Variants in NCALD observed in about 807,000 individuals in gnomAD.
NCALD encodes neurocalcin delta.
In NCALD, 10 loss-of-function variants were observed where a neutral mutation model predicts 18.6. The observed-to-expected ratio is 0.54, with a 90% CI of 0.33 to 0.91. The LOEUF is 0.91. NCALD is among the 40% of genes least tolerant of loss of function. The pLI, the probability that NCALD is intolerant of heterozygous loss-of-function variation, is 0.03. For synonymous variants in NCALD, 88 were observed against 87.4 expected, an observed-to-expected ratio of 1.01 and a Z score of -0.04; for missense variants, 184 against 247.6, an observed-to-expected ratio of 0.74 and a Z score of 1.72.
At chr8:102,003,861 T>C (rs1328638725) in intron 2 of NCALD, among the ~76,000 whole-genome samples, 1 of 152,100 alleles carries the variant, frequency 6.6e-6, no homozygotes, top group Non-Finnish European at 1.5e-5. Context: ...ATAAATTCGG[T>C]ATTGATGGGA....
At chr8:101,732,187 T>A (rs1322446803) in intron 1 of NCALD, among the ~76,000 whole-genome samples, 1 of 152,198 alleles carries the variant, frequency 6.6e-6, no homozygotes, top group Non-Finnish European at 1.5e-5. Context: ...TTAACTAGGG[T>A]ACTAAATATT....
At chr8:101,783,207 T>TA (rs1812087189) in intron 1 of NCALD, among the ~76,000 whole-genome samples, 1 of 152,120 alleles carries the variant, frequency 6.6e-6, no homozygotes, top group Non-Finnish European at 1.5e-5. Context: ...AGAGTCTTCT[T>TA]AAGGGAAGAG....
At chr8:101,915,780 TAAG>T (rs1170892103) in intron 3 of NCALD, 3 of 152,160 alleles carry the variant, frequency 2.0e-5, no homozygotes, top group Non-Finnish European at 4.4e-5. Context: ...CATTTATAGC[TAAG>T]AAGAACATTT....
intron 2 of NCALD, among the ~76,000 whole-genome samples, chr8:101,926,795 A>T (rs552783668): frequency 2.6e-5 from 4 of 152,256 alleles, no homozygotes; most frequent in African/African-American, 9.6e-5. Flanking sequence ...AGGGATAAGG[A>T]GGTGGTGGGT....
At chr8:101,694,139 A>G (rs1197713588) in intron 2 of NCALD, 1 of 152,190 alleles carries the variant, frequency 6.6e-6, no homozygotes, top group Non-Finnish European at 1.5e-5. Context: ...TGCTAATCAG[A>G]GTCACTTTGG....
chr8:101,809,661 C>T (rs1198776353), intron 4 of NCALD, among the ~76,000 whole-genome samples: 1 of 152,162 alleles, frequency 6.6e-6, no homozygotes, highest in Non-Finnish European at 1.5e-5. Flanking sequence ...ATTCTCCTGC[C>T]TCAGCCTCCT....
intron 1 of NCALD, among the ~76,000 whole-genome samples, chr8:102,047,450 T>C (rs1823286718): frequency 6.6e-6 from 1 of 152,192 alleles, no homozygotes; most frequent in Non-Finnish European, 1.5e-5. Flanking sequence ...TTTCACCGCC[T>C]GGTATGGTAG....
intron 1 of NCALD, among the ~76,000 whole-genome samples, chr8:102,079,405 A>G (rs1038066661): frequency 4.6e-5 from 7 of 152,122 alleles, no homozygotes; most frequent in African/African-American, 1.7e-4. Context: ...TGAGACCCAC[A>G]GTTGTGTGTG....
At chr8:101,820,254 A>T (rs1188729447) in intron 4 of NCALD, among the ~76,000 whole-genome samples, 4 of 152,188 alleles carry the variant, frequency 2.6e-5, no homozygotes, top group Non-Finnish European at 5.9e-5. Context: ...TTTAGCTTTA[A>T]CATTTTTAAA....
rs1554598545 is a variant in NCALD at position 102,106,466 on chromosome 8, T to TATAC, written c.-210+17770_-210+17771insGTAT. On this transcript the variant is annotated intron_variant, in intron 1 of 6. Transcript: ENST00000311028. ...TATAGTATATATATATATATATATATACACACACACACACACACACACACA... is the reference window on the plus strand; with the variant it reads ...TATAGTATATATATATATATATATATATACACACACACACACACACACACACACA... 4.2e-3 allele frequency among the ~76,000 whole-genome samples: 582 copies of TATAC among 139,074 alleles called. 7 individuals are homozygous for TATAC. The highest frequency in any genetic ancestry group is 0.032 in the East Asian group (156 of 4,936). The allele number at this position is 139,074 out of a possible 152,430, so 91.2% of individuals were successfully genotyped here.
At chr8:101,817,323 A>G (rs1393840656) in intron 4 of NCALD, among the ~76,000 whole-genome samples, 3 of 152,192 alleles carry the variant, frequency 2.0e-5, no homozygotes, top group Non-Finnish European at 2.9e-5. Flanking sequence ...TTAGGATGCC[A>G]TCCTCTTCAC....
At chr8:102,115,460 C>T (rs972735972) in intron 1 of NCALD, among the ~76,000 whole-genome samples, 10 of 152,176 alleles carry the variant, frequency 6.6e-5, no homozygotes, top group South Asian at 2.1e-4. Context: ...CCAGTTAATG[C>T]GATCAATGCA....
chr8:102,090,989 T>C (rs1222657676), intron 1 of NCALD, among the ~76,000 whole-genome samples: 1 of 152,172 alleles, frequency 6.6e-6, no homozygotes, highest in Non-Finnish European at 1.5e-5. Context: ...TGTACAGGGT[T>C]CCTGACCTGT....
chr8:101,904,423 C>G (rs1353615979), intron 3 of NCALD, among the ~76,000 whole-genome samples: 2 of 152,096 alleles, frequency 1.3e-5, no homozygotes, highest in African/African-American at 4.8e-5. Flanking sequence ...TCCCCACTTC[C>G]TTCCTTTATG....
Position 102,006,808 on chromosome 8 carries a change from G to A in NCALD, c.-157+13429C>T, listed in dbSNP as rs138383815. Among the ~76,000 whole-genome samples, 786 of 152,278 alleles carry A rather than the reference G, an allele frequency of 5.2e-3. 11 individuals carry two copies. Among genetic ancestry groups the A allele is most frequent in the African/African-American group, 0.017 (726 of 41,548 alleles). ...TTGCCTTAACAACCCTTATTTGTTC[G>A]TTTATTTCTGTCTACACTTCTGTAA... On this transcript the variant is annotated intron_variant, in intron 2 of 6. Coordinates refer to the NCALD transcript ENST00000311028.
At chr8:101,916,298 A>G (rs1402385125) in intron 2 of NCALD, among the ~76,000 whole-genome samples, 1 of 152,190 alleles carries the variant, frequency 6.6e-6, no homozygotes, top group African/African-American at 2.4e-5. Context: ...AAGGTTAAAT[A>G]AAATATTTTC....
At chr8:102,000,970 T>C (rs1012520848) in intron 2 of NCALD, among the ~76,000 whole-genome samples, 11 of 152,030 alleles carry the variant, frequency 7.2e-5, no homozygotes, top group East Asian at 3.9e-4. Flanking sequence ...TCAGAGTGCC[T>C]CTCCTCCTCC....
intron 4 of NCALD, among the ~76,000 whole-genome samples, chr8:101,799,299 T>G (rs370135116): frequency 2.6e-5 from 4 of 152,340 alleles, no homozygotes; most frequent in South Asian, 4.1e-4. Flanking sequence ...CCAGCAAGGA[T>G]GCAGAGAAAC....
intron 4 of NCALD, among the ~76,000 whole-genome samples, chr8:101,829,012 T>C (rs1288801331): frequency 6.6e-6 from 1 of 152,124 alleles, no homozygotes; most frequent in Non-Finnish European, 1.5e-5. Context: ...CAGAGTGTTA[T>C]AGGATTGCAG....
Sources: gnomAD v4.1 joint callset for allele counts (sites outside exome capture counted in the v4.1 genomes callset) on GRCh38, gnomAD v4.1.1 for gene constraint, MANE v1.5 for transcripts, NCBI Gene and HGNC (gene_info 2026-07-23, HGNC 2026-07-21) for gene names.